Variants in PPP4R3A observed in about 807,000 individuals in gnomAD.
The protein encoded by PPP4R3A is protein phosphatase 4 regulatory subunit 3A.
In PPP4R3A, 15 loss-of-function variants were observed where a neutral mutation model predicts 91.7. The ratio of observed to expected loss-of-function variants is 0.16; its 90% CI spans 0.11 to 0.25. The LOEUF is 0.25. Among genes scored for constraint, PPP4R3A ranks in the 10% least tolerant of loss-of-function variants. The probability of loss-of-function intolerance (pLI) is 1.00; values close to 1 mark genes in which losing one functional copy is unlikely to be tolerated. For synonymous variants in PPP4R3A, 377 were observed against 348.7 expected (o/e 1.08, Z -0.91); for missense variants, 623 against 998.4 (o/e 0.62, Z 5.07).
chr14:91,475,373 A>C (rs1490160905), intron 7 of PPP4R3A: 5 of 172,780 alleles, frequency 2.9e-5, no homozygotes, highest in Non-Finnish European at 6.2e-5. Context: ...CTTGTTCTCT[A>C]TGGCTAGGCA....
rs776110952 is a variant in PPP4R3A, at chr14:91,473,095, T to C, written c.1439A>G (p.His480Arg). The C allele has an allele frequency of 2.5e-6, 4 of 1,614,194 alleles. No individual in the cohort carries two copies. The highest frequency in any genetic ancestry group is 3.4e-6 in the Non-Finnish European group (4 of 1,180,032). The change falls in exon 9 of 15, where the codon CAC becomes CGC. Residue 480 changes from histidine (H) to arginine (R), a missense_variant. By Grantham distance (29) the His-to-Arg change is conservative (BLOSUM62 0). Around this residue, in one of 5 missense-constraint regions of PPP4R3A, gnomAD observed 87 missense variants for 233.9 expected, o/e 0.37. Coordinates refer to ENST00000554943, the MANE Select transcript of PPP4R3A (RefSeq NM_001366432.2). ...KTEFLGFFYKHCMHVLTAPLL... is the reference protein window; with the variant it reads ...KTEFLGFFYKRCMHVLTAPLL... ...AGGAGCAGTGAGAACATGCATACAG[T>C]GCTTGTAGAAGAAACCCAGAAATTC...
At position 91,473,020 on chromosome 14, in the gene PPP4R3A, T is replaced by A; in HGVS notation, c.1501+13A>T. The A allele has an allele frequency of 2.5e-6, 4 of 1,608,990 alleles. No homozygotes were observed. Among genetic ancestry groups the A allele is most frequent in the Non-Finnish European group, 3.4e-6 (4 of 1,177,776 alleles). The stretch of plus-strand genomic sequence containing the variant: ...AGAACAGAGAACTTAACTACCAACC[T>A]GAATTATCTTACCTTTACTAGGTTT... On this transcript the variant is annotated intron_variant, in intron 9 of 14. Transcript: ENST00000554943.
chr14:91,495,672 T>C (rs1171720292), intron 1 of PPP4R3A, among the ~76,000 whole-genome samples: 6 of 151,860 alleles, frequency 4.0e-5, no homozygotes, highest in Admixed American at 1.3e-4. Flanking sequence ...TGGTGAATTA[T>C]ATAGTATGTA....
intron 1 of PPP4R3A, among the ~76,000 whole-genome samples, chr14:91,507,391 ATATGTACTATAATT>A (rs1891391953): frequency 3.7e-5 from 2 of 53,650 alleles, no homozygotes; most frequent in African/African-American, 1.0e-4. Flanking sequence ...ACTATATAGT[ATATGTACTATAATT>A]ATATATACTA....
chr14:91,486,315 C>T (rs1466202347), intron 2 of PPP4R3A, among the ~76,000 whole-genome samples: 1 of 151,826 alleles, frequency 6.6e-6, no homozygotes, highest in Non-Finnish European at 1.5e-5. Context: ...GCACCTACCA[C>T]CCTTTCATTC....
chr14:91,462,290 A>C, intron 12 of PPP4R3A, 51 bp from the exon 13 acceptor site: 1 of 1,442,398 alleles, frequency 6.9e-7, no homozygotes. Flanking sequence ...ACTTAATTGT[A>C]CTGTTACAGA....
intron 11 of PPP4R3A, among the ~76,000 whole-genome samples, chr14:91,463,838 G>A (rs1888310967): frequency 1.3e-5 from 2 of 152,134 alleles, no homozygotes; most frequent in African/African-American, 4.8e-5. Flanking sequence ...GGGGTTTGGT[G>A]TATAGCTTAT....
chr14:91,478,308 G>C (rs1477039687), intron 4 of PPP4R3A, among the ~76,000 whole-genome samples: 1 of 152,176 alleles, frequency 6.6e-6, no homozygotes, highest in Non-Finnish European at 1.5e-5. Context: ...CTGCAGTTGG[G>C]GGTACAGAAA....
At chr14:91,481,535 T>C (rs199917939) in intron 4 of PPP4R3A, 41 bp downstream of exon 4, 100 of 1,500,752 alleles carry the variant, frequency 6.7e-5, no homozygotes, top group Non-Finnish European at 7.9e-5. Context: ...TTGTTTTCGC[T>C]GCATCTCTTG....
At chr14:91,465,037 C>A (rs374543560) in intron 11 of PPP4R3A, among the ~76,000 whole-genome samples, 1 of 152,142 alleles carries the variant, frequency 6.6e-6, no homozygotes, top group African/African-American at 2.4e-5. Flanking sequence ...GACCGGTCCG[C>A]GGCCAAGGGG....
chr14:91,472,065 CAAAAAAAA>C (rs549919322), intron 9 of PPP4R3A, among the ~76,000 whole-genome samples: 2 of 70,288 alleles, frequency 2.8e-5, no homozygotes, highest in Non-Finnish European at 5.3e-5. Context: ...ATTCTGTCTC[CAAAAAAAA>C]AAAAAAAAAA....
chr14:91,483,374 C>A (rs569036933), intron 3 of PPP4R3A, among the ~76,000 whole-genome samples: 15 of 152,344 alleles, frequency 9.8e-5, no homozygotes, highest in Admixed American at 4.6e-4. Flanking sequence ...GTGATATGGT[C>A]TTGACCTCAA....
chr14:91,485,836 C>G (rs1471739899), intron 2 of PPP4R3A, 106 bp from the exon 3 acceptor site: 3 of 603,776 alleles, frequency 5.0e-6, no homozygotes, highest in Non-Finnish European at 8.3e-6. Context: ...TTTTGCAACA[C>G]TAATACTGGC....
intron 2 of PPP4R3A, among the ~76,000 whole-genome samples, chr14:91,490,039 A>G (rs1890143877): frequency 6.6e-6 from 1 of 152,236 alleles, no homozygotes; most frequent in African/African-American, 2.4e-5. Flanking sequence ...TTCTCAATTA[A>G]CTATTTTGTA....
At chr14:91,459,733 G>A (rs1320728930) in intron 14 of PPP4R3A, among the ~76,000 whole-genome samples, 2 of 151,760 alleles carry the variant, frequency 1.3e-5, no homozygotes, top group East Asian at 4.0e-4. Context: ...TACTTGGGAG[G>A]CTGAGGCACA....
intron 7 of PPP4R3A, 102 bp downstream of exon 7, chr14:91,475,709 C>A (rs761420239): frequency 2.1e-4 from 254 of 1,196,446 alleles, no homozygotes. Flanking sequence ...ATTATGGCTA[C>A]ACTTTTCCCA....
At chr14:91,501,382 T>C (rs559131341) in intron 1 of PPP4R3A, among the ~76,000 whole-genome samples, 1 of 152,314 alleles carries the variant, frequency 6.6e-6, no homozygotes, top group East Asian at 1.9e-4. Context: ...TTATCAATAT[T>C]CAAGGCTTAA....
At chr14:91,496,314 TTTTAAG>T (rs1190242437) in intron 1 of PPP4R3A, among the ~76,000 whole-genome samples, 2 of 152,198 alleles carry the variant, frequency 1.3e-5, no homozygotes, top group Non-Finnish European at 2.9e-5. Flanking sequence ...TCAAAAGTTT[TTTTAAG>T]TTTAAGAAGT....
chr14:91,497,928 A>G (rs1890682471), intron 1 of PPP4R3A, among the ~76,000 whole-genome samples: 1 of 152,232 alleles, frequency 6.6e-6, no homozygotes, highest in Non-Finnish European at 1.5e-5. Context: ...ACAAGGTTAC[A>G]TGCCTTTTCC....
Sources: allele counts gnomAD v4.1 joint callset (sites outside exome capture counted in the v4.1 genomes callset), GRCh38; gene constraint gnomAD v4.1.1; regional missense constraint gnomAD v4.1.1; transcripts MANE v1.5; gene names NCBI Gene and HGNC (gene_info 2026-07-23, HGNC 2026-07-21).